Variants in TMEM132B observed in about 807,000 individuals in gnomAD.
TMEM132B encodes the protein transmembrane protein 132B.
Under a neutral mutation model 90.8 loss-of-function variants are expected in TMEM132B, and 18 were observed. The observed-to-expected ratio is 0.20, with a 90% CI of 0.14 to 0.29. TMEM132B has a LOEUF of 0.29. Among genes scored for constraint, TMEM132B ranks in the 10% least tolerant of loss-of-function variants. The pLI is 1.00. For missense variants in TMEM132B, 1,096 were observed against 1,326.8 expected (o/e 0.83, Z 2.70); for synonymous variants, 504 against 523.3 (o/e 0.96, Z 0.50).
intron 5 of TMEM132B, among the ~76,000 whole-genome samples, chr12:125,600,443 C>T (rs1431689800): frequency 2.0e-5 from 3 of 152,108 alleles, no homozygotes; most frequent in Non-Finnish European, 4.4e-5. Flanking sequence ...CATGTTGCTC[C>T]GTTTGCTTGT....
intron 4 of TMEM132B, among the ~76,000 whole-genome samples, chr12:125,525,323 C>T (rs1883419909): frequency 6.6e-6 from 1 of 152,176 alleles, no homozygotes; most frequent in South Asian, 2.1e-4. Context: ...AACTCAATCC[C>T]CCTTGTGGTG....
chr12:125,499,608 G>A (rs1882644992), intron 3 of TMEM132B, among the ~76,000 whole-genome samples: 1 of 152,128 alleles, frequency 6.6e-6, no homozygotes, highest in Admixed American at 6.5e-5. Flanking sequence ...ACGCATGGGG[G>A]GTGCCTGTCC....
intron 3 of TMEM132B, among the ~76,000 whole-genome samples, chr12:125,502,396 A>G (rs1882723729): frequency 6.6e-6 from 1 of 152,248 alleles, no homozygotes; most frequent in Admixed American, 6.5e-5. Flanking sequence ...GGAATCTGAC[A>G]ACTACAGTGC....
chr12:125,485,277 C>T (rs182975275), intron 3 of TMEM132B, among the ~76,000 whole-genome samples: 30 of 152,246 alleles, frequency 2.0e-4, no homozygotes, highest in Non-Finnish European at 3.5e-4. Context: ...TTTTTGACTT[C>T]CGCAAAGTGT....
At chr12:125,191,143 G>A (rs1381762661) in intron 1 of TMEM132B, among the ~76,000 whole-genome samples, 1 of 136,778 alleles carries the variant, frequency 7.3e-6, no homozygotes, top group African/African-American at 2.8e-5. Flanking sequence ...CGGGAAAGGG[G>A]TGGTGATGGT....
chr12:125,325,668 C>CGTGTGTGT (rs1876540681), intron 1 of TMEM132B, among the ~76,000 whole-genome samples: 6 of 139,366 alleles, frequency 4.3e-5, no homozygotes, highest in African/African-American at 1.1e-4. Context: ...TGCCTCCCAC[C>CGTGTGTGT]CTGTGTGTGT....
At chr12:125,337,375 G>A (rs12299227) in intron 1 of TMEM132B, among the ~76,000 whole-genome samples, 2,971 of 152,136 alleles carry the variant, frequency 0.02, 193 homozygotes, top group Admixed American at 0.14. Context: ...AGCTTTCCTC[G>A]CGTGGAGGTT....
chr12:125,625,215 C>T (rs1886204629), intron 5 of TMEM132B, among the ~76,000 whole-genome samples: 1 of 143,430 alleles, frequency 7.0e-6, no homozygotes, highest in Non-Finnish European at 1.5e-5. Flanking sequence ...TCACTGCAAG[C>T]TCTGCCTCCC....
At chr12:125,240,769 C>T (rs927862550) in intron 1 of TMEM132B, among the ~76,000 whole-genome samples, 2 of 152,268 alleles carry the variant, frequency 1.3e-5, no homozygotes, top group East Asian at 1.9e-4. Context: ...TTTGTGTTCA[C>T]GGAGCTCACT....
intron 3 of TMEM132B, among the ~76,000 whole-genome samples, chr12:125,424,650 C>T (rs1407166954): frequency 6.6e-6 from 1 of 152,164 alleles, no homozygotes; most frequent in African/African-American, 2.4e-5. Flanking sequence ...GCCAGAAAGG[C>T]TGTGTCAAAA....
rs1000329643 is a variant in TMEM132B at position 125,430,615 on chromosome 12, G to C, written c.1106+14938G>C. Among the ~76,000 whole-genome samples the C allele has an allele frequency of 2.0e-5, 3 of 152,166 alleles. No homozygotes were observed. The East Asian group carries it at 5.8e-4, about 29-fold the overall frequency. On this transcript the variant is annotated intron_variant, in intron 3 of 8. Coordinates refer to ENST00000682704, the MANE Select transcript of TMEM132B (RefSeq NM_001366854.1). ...GAAGTCACAGAATCCAGCCGAGCTTGAACCAGGTCTTCACGACGGTCATCT... is the reference window on the plus strand; with the variant it reads ...GAAGTCACAGAATCCAGCCGAGCTTCAACCAGGTCTTCACGACGGTCATCT...
At chr12:125,284,749 A>T (rs1018589305) in intron 1 of TMEM132B, among the ~76,000 whole-genome samples, 12 of 152,170 alleles carry the variant, frequency 7.9e-5, no homozygotes, top group Non-Finnish European at 1.6e-4. Context: ...GTGAGAGTAG[A>T]TCTGACAATT....
intron 4 of TMEM132B, among the ~76,000 whole-genome samples, chr12:125,549,235 C>T (rs549350891): frequency 2.0e-5 from 3 of 152,300 alleles, no homozygotes; most frequent in East Asian, 3.9e-4. Context: ...AGCCACTAAG[C>T]ATTTATCAGG....
At chr12:125,327,761 C>T (rs537155999) in intron 1 of TMEM132B, among the ~76,000 whole-genome samples, 4 of 152,188 alleles carry the variant, frequency 2.6e-5, no homozygotes, top group South Asian at 2.1e-4. Flanking sequence ...CTCCAAGGGA[C>T]AGCAGCTGCC....
intron 1 of TMEM132B, among the ~76,000 whole-genome samples, chr12:125,243,032 T>TATATATATACAC (rs1215676534): frequency 5.6e-4 from 75 of 134,968 alleles, no homozygotes; most frequent in African/African-American, 1.9e-3. Flanking sequence ...TATATATATA[T>TATATATATACAC]ACACACACAC....
At chr12:125,519,768 C>T (rs1883260449) in intron 4 of TMEM132B, 143 bp downstream of exon 4, 1 of 830,226 alleles carries the variant, frequency 1.2e-6, no homozygotes, top group Non-Finnish European at 1.9e-6. Flanking sequence ...GATCTACCTG[C>T]TTTTCATAAT....
At chr12:125,503,775 C>A (rs1177512522) in intron 3 of TMEM132B, among the ~76,000 whole-genome samples, 2 of 152,200 alleles carry the variant, frequency 1.3e-5, no homozygotes, top group Non-Finnish European at 2.9e-5. Flanking sequence ...ATTGATGTAT[C>A]AGTCTGGTTC....
At chr12:125,187,574 C>T (rs886184053) in intron 1 of TMEM132B, among the ~76,000 whole-genome samples, 2 of 152,238 alleles carry the variant, frequency 1.3e-5, no homozygotes, top group African/African-American at 4.8e-5. Context: ...GCGGTGCTGT[C>T]CAGAGCCATT....
intron 4 of TMEM132B, among the ~76,000 whole-genome samples, chr12:125,564,532 T>C (rs904396755): frequency 3.3e-5 from 5 of 152,226 alleles, no homozygotes; most frequent in African/African-American, 9.7e-5. Flanking sequence ...AGACAGATTG[T>C]TCGTGAAAGC....
Sources: gnomAD v4.1 joint callset for allele counts (sites outside exome capture counted in the v4.1 genomes callset) on GRCh38, gnomAD v4.1.1 for gene constraint, MANE v1.5 for transcripts, NCBI Gene and HGNC (gene_info 2026-07-23, HGNC 2026-07-21) for gene names.